FAT3: variants seen among roughly 807,000 people sequenced by gnomAD.
FAT3 encodes protocadherin Fat 3.
In FAT3, 95 loss-of-function variants were observed where a neutral mutation model predicts 310.2. The observed-to-expected ratio is 0.31, with a 90% CI of 0.26 to 0.36. The LOEUF (loss-of-function observed/expected upper bound fraction) is 0.36, where lower values mean the gene tolerates loss of function less well. Among genes scored for constraint, FAT3 ranks in the 10% least tolerant of loss-of-function variants. The pLI is 1.00. For missense variants in FAT3, 5,408 were observed against 5,715.6 expected (o/e 0.95, Z 1.74); for synonymous variants, 2,314 against 2,192.9 (o/e 1.06, Z -1.54).
chr11:92,531,289 T>C (rs1954062995), intron 3 of FAT3, among the ~76,000 whole-genome samples: 1 of 152,180 alleles, frequency 6.6e-6, no homozygotes, highest in African/African-American at 2.4e-5. Flanking sequence ...GACCTTTGCA[T>C]CCACGTGAAT....
intron 5 of FAT3, among the ~76,000 whole-genome samples, chr11:92,763,927 C>T (rs757774391): frequency 1.3e-5 from 2 of 152,210 alleles, no homozygotes; most frequent in Non-Finnish European, 2.9e-5. Flanking sequence ...GAACACATAG[C>T]ATGAGGGTGC....
intron 1 of FAT3, among the ~76,000 whole-genome samples, chr11:92,265,916 C>A (rs1488832914): frequency 6.6e-6 from 1 of 152,064 alleles, no homozygotes; most frequent in Non-Finnish European, 1.5e-5. Context: ...ATATTCAGAT[C>A]ATAGCATTGG....
At chr11:92,621,432 C>T (rs1029493057) in intron 3 of FAT3, among the ~76,000 whole-genome samples, 2 of 152,186 alleles carry the variant, frequency 1.3e-5, no homozygotes, top group African/African-American at 4.8e-5. Context: ...TGTATTTCAT[C>T]CCCAGCTCCT....
At chr11:92,632,555 A>C (rs959266833) in intron 3 of FAT3, among the ~76,000 whole-genome samples, 4 of 152,238 alleles carry the variant, frequency 2.6e-5, no homozygotes, top group African/African-American at 9.6e-5. Context: ...TTAGGCAGTC[A>C]CTTCTCTTCT....
At chr11:92,662,094 A>G (rs1268202684) in intron 3 of FAT3, among the ~76,000 whole-genome samples, 1 of 152,224 alleles carries the variant, frequency 6.6e-6, no homozygotes, top group East Asian at 1.9e-4. Flanking sequence ...AGACCAGTAT[A>G]GATACAGAAG....
At chr11:92,322,388 G>A (rs943862525) in intron 1 of FAT3, among the ~76,000 whole-genome samples, 3 of 152,146 alleles carry the variant, frequency 2.0e-5, no homozygotes, top group African/African-American at 4.8e-5. Context: ...GTCTTGCCTC[G>A]ATGTTGATGG....
intron 3 of FAT3, among the ~76,000 whole-genome samples, chr11:92,634,048 C>A (rs1480300578): frequency 6.6e-6 from 1 of 152,194 alleles, no homozygotes; most frequent in Non-Finnish European, 1.5e-5. Context: ...GGAAGTGAGA[C>A]ACCTCTGTCC....
intron 2 of FAT3, among the ~76,000 whole-genome samples, chr11:92,466,514 G>T (rs1320964000): frequency 6.6e-6 from 1 of 151,118 alleles, no homozygotes; most frequent in South Asian, 2.1e-4. Context: ...CTGTCCACTC[G>T]CCTGGCCAGG....
At chr11:92,433,551 C>T (rs1469716255) in intron 2 of FAT3, among the ~76,000 whole-genome samples, 4 of 152,142 alleles carry the variant, frequency 2.6e-5, no homozygotes, top group Admixed American at 1.3e-4. Context: ...GCTCACCCTC[C>T]GTGGGCTGCA....
chr11:92,867,341 A>G (rs932951440), intron 22 of FAT3, 132 bp downstream of exon 22: 13 of 957,122 alleles, frequency 1.4e-5, no homozygotes, highest in Non-Finnish European at 1.8e-5. Flanking sequence ...ATGCTCGCCA[A>G]CCTTCTTAAT....
At chr11:92,535,766 A>G (rs1954236365) in intron 3 of FAT3, among the ~76,000 whole-genome samples, 1 of 151,290 alleles carries the variant, frequency 6.6e-6, no homozygotes, top group Non-Finnish European at 1.5e-5. Flanking sequence ...GCATTACTAT[A>G]GTCATTTCAA....
At chr11:92,602,119 G>C (rs1940057081) in intron 3 of FAT3, among the ~76,000 whole-genome samples, 1 of 151,752 alleles carries the variant, frequency 6.6e-6, no homozygotes, top group Non-Finnish European at 1.5e-5. Context: ...TGTCATCCAG[G>C]CCAGAGTGCA....
At chr11:92,601,164 GAT>G (rs1940004181) in intron 3 of FAT3, among the ~76,000 whole-genome samples, 1 of 151,678 alleles carries the variant, frequency 6.6e-6, no homozygotes, top group South Asian at 2.1e-4. Context: ...TTTTTTAAAA[GAT>G]TATCTAGCTG....
At chr11:92,686,922 G>A (rs894833279) in intron 3 of FAT3, among the ~76,000 whole-genome samples, 2 of 152,168 alleles carry the variant, frequency 1.3e-5, no homozygotes, top group Non-Finnish European at 2.9e-5. Context: ...TAAGGGGAGT[G>A]CAGTGGCTGT....
intron 2 of FAT3, among the ~76,000 whole-genome samples, chr11:92,421,653 A>T (rs1212008506): frequency 1.3e-5 from 2 of 152,184 alleles, no homozygotes; most frequent in Admixed American, 6.5e-5. Flanking sequence ...GCTTAAAATT[A>T]TATTTTTGCT....
intron 21 of FAT3, 71 bp downstream of exon 21, chr11:92,859,393 C>A (rs559139413): frequency 8.8e-6 from 12 of 1,368,264 alleles, no homozygotes; most frequent in Admixed American, 7.9e-5. Flanking sequence ...GATTGGGGAA[C>A]GGCTGAAATC....
chr11:92,863,359 C>A (rs1341398079), intron 21 of FAT3, among the ~76,000 whole-genome samples: 1 of 152,120 alleles, frequency 6.6e-6, no homozygotes, highest in Non-Finnish European at 1.5e-5. Context: ...GAATCTGAAG[C>A]AGTAAGACTT....
At chr11:92,680,690 C>T (rs539556320) in intron 3 of FAT3, among the ~76,000 whole-genome samples, 105 of 152,324 alleles carry the variant, frequency 6.9e-4, no homozygotes, top group Admixed American at 3.4e-3. Flanking sequence ...ACATTGAGTA[C>T]TTGTTGCATT....
chr11:92,779,893 C>A (rs1946698545), intron 7 of FAT3, among the ~76,000 whole-genome samples: 1 of 152,094 alleles, frequency 6.6e-6, no homozygotes, highest in Non-Finnish European at 1.5e-5. Context: ...AATATGAAAG[C>A]AGCAACATGA....
Sources: gnomAD v4.1 joint callset for allele counts (sites outside exome capture counted in the v4.1 genomes callset) on GRCh38, gnomAD v4.1.1 for gene constraint, MANE v1.5 for transcripts, NCBI Gene and HGNC (gene_info 2026-07-23, HGNC 2026-07-21) for gene names.